FOLH1: variants seen among roughly 807,000 people sequenced by gnomAD.
FOLH1 encodes folate hydrolase 1.
Under a neutral mutation model 93.9 loss-of-function variants are expected in FOLH1, and 54 were observed. The observed-to-expected ratio is 0.57, with a 90% CI of 0.46 to 0.72. The LOEUF (loss-of-function observed/expected upper bound fraction) is 0.72, where lower values mean the gene tolerates loss of function less well. Among genes scored for constraint, FOLH1 ranks in the 30% least tolerant of loss-of-function variants. FOLH1 has a pLI of 0.00. For synonymous variants in FOLH1, 249 were observed against 303.6 expected (o/e 0.82, Z 1.87); for missense variants, 571 against 892.5 (o/e 0.64, Z 4.59).
In FOLH1 at chr11:49,178,919, AT is replaced by A. The variant is rs758015496; in HGVS notation, c.921-2963del. On this transcript the variant is annotated intron_variant, in intron 7 of 18. Coordinates refer to ENST00000256999, the MANE Select transcript of FOLH1 (RefSeq NM_004476.3). ...TACTATGTTTAAGGCACTGTGTTTT[AT>A]TCACTAAAAAATATAAATATATACA... Among the ~76,000 whole-genome samples the A allele has an allele frequency of 4.6e-5, 7 of 152,320 alleles. No individual in the cohort carries two copies. In the East Asian group the frequency reaches 1.2e-3, roughly 25 times the overall value.
At chr11:49,158,699 T>C (rs1857296522) in intron 13 of FOLH1, among the ~76,000 whole-genome samples, 1 of 152,210 alleles carries the variant, frequency 6.6e-6, no homozygotes, top group African/African-American at 2.4e-5. Flanking sequence ...GGAATAGCAC[T>C]GAATCTATAA....
chr11:49,172,341 G>T (rs1025816300), intron 10 of FOLH1, among the ~76,000 whole-genome samples: 3 of 152,076 alleles, frequency 2.0e-5, no homozygotes, highest in African/African-American at 7.2e-5. Context: ...ATATAAGATA[G>T]CTGTGTAGAA....
rs202676 is a variant in FOLH1, at chr11:49,206,068, A to G, written c.223T>C (p.Tyr75His). The G allele has an allele frequency of 0.26, 417,908 of 1,609,292 alleles. 59,093 individuals are homozygous for G. The highest frequency in any genetic ancestry group is 0.54 in the African/African-American group (40,101 of 74,778). The change falls in exon 2 of 19, where the codon TAT becomes CAT. Residue 75 changes from tyrosine to histidine, a missense_variant and splice_region_variant. This residue lies in a region of FOLH1 where 500 missense variants were observed against 822.9 expected (regional missense o/e 0.61). Coordinates refer to ENST00000256999, the MANE Select transcript of FOLH1 (RefSeq NM_004476.3). ...LKAENIKKFL[Y>H]NFTQIPHLAG... ...ATAAACTTTCGAGGATGTACTTACT[A>G]TAAGAACTTCTTGATGTTCTCAGCT...
In FOLH1 at chr11:49,164,844, C is replaced by T. The variant is rs1390645101; in HGVS notation, c.1373-72G>A. 4 of 1,137,274 alleles carry T rather than the reference C, an allele frequency of 3.5e-6. No individual in the cohort carries two copies. In the African/African-American group the frequency reaches 6.3e-5, roughly 18 times the overall value. The allele number at this position is 1,137,274 out of a possible 1,614,324, so 70.4% of individuals were successfully genotyped here. Reference sequence around the variant, plus strand: ...TTATTATTTTCTTCAAAGACCACTGCTAAATTCCTACCAGAATGATTGTTT... The same window carrying T: ...TTATTATTTTCTTCAAAGACCACTGTTAAATTCCTACCAGAATGATTGTTT... On this transcript the variant is annotated intron_variant, in intron 12 of 18. Coordinates refer to ENST00000256999, the MANE Select transcript of FOLH1 (RefSeq NM_004476.3).
chr11:49,173,633 T>A (rs1565167439), intron 9 of FOLH1, among the ~76,000 whole-genome samples, 157 bp from the exon 10 acceptor site: 1 of 152,012 alleles, frequency 6.6e-6, no homozygotes, highest in Non-Finnish European at 1.5e-5. Context: ...ATTTCTGATT[T>A]TAATATGTGT....
At chr11:49,148,021 A>G (rs1233355321) in intron 18 of FOLH1, among the ~76,000 whole-genome samples, 1 of 151,964 alleles carries the variant, frequency 6.6e-6, no homozygotes, top group Non-Finnish European at 1.5e-5. Context: ...CTTACTCCCA[A>G]GCCCGACCCT....
At chr11:49,151,820 A>C (rs571246779) in intron 17 of FOLH1, among the ~76,000 whole-genome samples, 1 of 152,308 alleles carries the variant, frequency 6.6e-6, no homozygotes, top group East Asian at 1.9e-4. Context: ...TTTTAAATAC[A>C]AAAAGAAAAC....
In FOLH1 at chr11:49,146,073, A is replaced by G. The variant is rs550139590; in HGVS notation, c.*683T>C. 6.6e-6 allele frequency among the ~76,000 whole-genome samples: 1 copy of G among 152,280 alleles called. No homozygotes were observed. The highest frequency in any genetic ancestry group is 1.9e-4 in the East Asian group (1 of 5,142). ...AATTATAAATAATGACAGAGGAAAG[A>G]TAAATAAACATAAAATTCAAGAAAA... On this transcript the variant is annotated 3_prime_UTR_variant, in exon 19 of 19. Transcript: ENST00000256999.
chr11:49,154,976 G>C (rs1856857269), intron 15 of FOLH1, among the ~76,000 whole-genome samples: 4 of 152,054 alleles, frequency 2.6e-5, no homozygotes, highest in Non-Finnish European at 4.4e-5. Flanking sequence ...AGTCTGAGTG[G>C]TGAGGGGTGC....
intron 12 of FOLH1, among the ~76,000 whole-genome samples, chr11:49,166,231 T>C (rs1242541765): frequency 2.0e-5 from 3 of 152,196 alleles, no homozygotes; most frequent in African/African-American, 4.8e-5. Flanking sequence ...AGCATTTAGC[T>C]GTAATATGAT....
intron 18 of FOLH1, among the ~76,000 whole-genome samples, chr11:49,147,459 C>CT (rs1437743414): frequency 6.6e-6 from 1 of 150,638 alleles, no homozygotes; most frequent in African/African-American, 2.4e-5. Context: ...TTTTTTTTGT[C>CT]TTTTTTTAAA....
intron 4 of FOLH1, among the ~76,000 whole-genome samples, chr11:49,188,850 C>A (rs1861706261): frequency 6.6e-6 from 1 of 152,136 alleles, no homozygotes; most frequent in Non-Finnish European, 1.5e-5. Flanking sequence ...AAGTTATAAT[C>A]TGAAAATCAC....
intron 2 of FOLH1, among the ~76,000 whole-genome samples, chr11:49,201,411 T>A (rs1863242499): frequency 6.6e-6 from 1 of 150,548 alleles, no homozygotes; most frequent in Non-Finnish European, 1.5e-5. Flanking sequence ...CAGTTTCAAG[T>A]TTCATTCTAC....
In FOLH1 at chr11:49,205,231, G is replaced by GA. The variant is rs879441629; in HGVS notation, c.224+835dup. Among the ~76,000 whole-genome samples, 1,071 of 147,570 alleles carry GA rather than the reference G, an allele frequency of 7.3e-3. 3 individuals carry two copies. Among genetic ancestry groups the GA allele is most frequent in the Non-Finnish European group, 0.011 (766 of 66,680 alleles). On this transcript the variant is annotated intron_variant, in intron 2 of 18. Transcript: ENST00000256999. ...AAAGAAAAAAGGAAAGAAAAGAAAA[G>GA]AAAAAAAAACAAGTATTCTAATCAA...
intron 8 of FOLH1, among the ~76,000 whole-genome samples, 191 bp from the exon 9 acceptor site, chr11:49,175,168 T>C (rs1859857464): frequency 6.6e-6 from 1 of 152,050 alleles, no homozygotes; most frequent in Admixed American, 6.6e-5. Flanking sequence ...AAACAAAATA[T>C]GAGACTCAAA....
chr11:49,169,309 C>A (rs756906152), intron 11 of FOLH1, 51 bp from the exon 12 acceptor site: 5 of 1,547,704 alleles, frequency 3.2e-6, no homozygotes, highest in Admixed American at 1.7e-5. Flanking sequence ...CACTCCCCCT[C>A]CCCCACAAAA....
intron 10 of FOLH1, among the ~76,000 whole-genome samples, chr11:49,172,032 G>A (rs1859376313): frequency 6.6e-6 from 1 of 152,078 alleles, no homozygotes; most frequent in South Asian, 2.1e-4. Flanking sequence ...CACTGAGTAG[G>A]TGCTTTCAAA....
At chr11:49,161,379 A>G (rs1193718967) in intron 13 of FOLH1, among the ~76,000 whole-genome samples, 1 of 151,962 alleles carries the variant, frequency 6.6e-6, no homozygotes, top group Admixed American at 6.6e-5. Context: ...CCGTTACGTG[A>G]TGCCCTTCTT....
At chr11:49,180,848 C>T (rs1860643562) in intron 7 of FOLH1, among the ~76,000 whole-genome samples, 1 of 152,050 alleles carries the variant, frequency 6.6e-6, no homozygotes, top group Non-Finnish European at 1.5e-5. Context: ...GTAAAATGCA[C>T]TTTTTCATGA....
Sources: gnomAD v4.1 joint callset for allele counts (sites outside exome capture counted in the v4.1 genomes callset) on GRCh38, gnomAD v4.1.1 for gene constraint, gnomAD v4.1.1 regional missense constraint, MANE v1.5 for transcripts, NCBI Gene and HGNC (gene_info 2026-07-23, HGNC 2026-07-21) for gene names.